The following TYR variants were observed in gnomAD, a reference collection of about 807,000 sequenced individuals.
TYR encodes the protein tyrosinase.
TYR carries 58 observed loss-of-function variants against 51.5 expected under a neutral mutation model. The ratio of observed to expected loss-of-function variants is 1.13; its 90% CI spans 0.91 to 1.40. The LOEUF (loss-of-function observed/expected upper bound fraction) is 1.40, where lower values mean the gene tolerates loss of function less well. Ranked by LOEUF, TYR falls within the 40% of genes most tolerant of loss-of-function variation. The pLI is 0.00. For synonymous variants in TYR, 263 were observed against 235.2 expected, an observed-to-expected ratio of 1.12 and a Z score of -1.08; for missense variants, 732 against 647.4, an observed-to-expected ratio of 1.13 and a Z score of -1.42.
intron 2 of TYR, among the ~76,000 whole-genome samples, chr11:89,215,498 A>G (rs1943820111): frequency 6.6e-6 from 1 of 151,640 alleles, no homozygotes; most frequent in African/African-American, 2.4e-5. Flanking sequence ...GTGTACATCT[A>G]CCCTAGAACT....
chr11:89,201,154 T>A (rs2135261372), intron 2 of TYR, among the ~76,000 whole-genome samples: 1 of 152,302 alleles, frequency 6.6e-6, no homozygotes, highest in East Asian at 1.9e-4. Flanking sequence ...ATTGACAAGC[T>A]CATAATGATG....
intron 3 of TYR, among the ~76,000 whole-genome samples, chr11:89,266,951 A>G (rs577951697): frequency 6.6e-6 from 1 of 152,080 alleles, no homozygotes; most frequent in African/African-American, 2.4e-5. Context: ...GGCCTTATGC[A>G]CAATAGGAAT....
At chr11:89,264,931 C>T (rs1176016875) in intron 3 of TYR, among the ~76,000 whole-genome samples, 1 of 152,026 alleles carries the variant, frequency 6.6e-6, no homozygotes, top group Non-Finnish European at 1.5e-5. Flanking sequence ...GAAATCTGTT[C>T]ACTTTTCCTT....
intron 3 of TYR, among the ~76,000 whole-genome samples, chr11:89,243,433 T>C (rs1466442540): frequency 6.6e-6 from 1 of 152,164 alleles, no homozygotes; most frequent in Non-Finnish European, 1.5e-5. Flanking sequence ...CTTTCTCCAC[T>C]TCCCCAAGGT....
chr11:89,246,175 C>A (rs1420229735), intron 3 of TYR, among the ~76,000 whole-genome samples: 2 of 149,256 alleles, frequency 1.3e-5, no homozygotes, highest in East Asian at 3.9e-4. Context: ...AACTCACAGT[C>A]TAGATACTAA....
intron 4 of TYR, among the ~76,000 whole-genome samples, chr11:89,290,561 T>A (rs1447613606): frequency 6.6e-6 from 1 of 152,064 alleles, no homozygotes; most frequent in Non-Finnish European, 1.5e-5. Flanking sequence ...ATTTTCAAAA[T>A]AATTTTAATA....
chr11:89,216,746 T>G (rs1943837947), intron 2 of TYR, among the ~76,000 whole-genome samples: 1 of 151,770 alleles, frequency 6.6e-6, no homozygotes, highest in South Asian at 2.1e-4. Flanking sequence ...AAGTTAGATC[T>G]TCAAGATCTG....
intron 2 of TYR, among the ~76,000 whole-genome samples, chr11:89,226,603 CAG>C (rs1402043120): frequency 6.6e-6 from 1 of 152,060 alleles, no homozygotes; most frequent in East Asian, 1.9e-4. Flanking sequence ...GAAACACTGT[CAG>C]TCACAATAGT....
In TYR at chr11:89,295,129, T is replaced by C. The variant is rs373344622; in HGVS notation, c.1367-14T>C. The C allele has an allele frequency of 1.1e-4, 182 of 1,613,594 alleles. 1 individual carries two copies. In the South Asian group the frequency reaches 1.3e-3, roughly 12 times the overall value. On this transcript the variant is annotated splice_polypyrimidine_tract_variant and intron_variant, in intron 4 of 4. Coordinates refer to ENST00000263321, the MANE Select transcript of TYR (RefSeq NM_000372.5). ...TGGTAACAATAAAAACAATGGGATG[T>C]CTTTTTATTTCAGACCCAGACTCTT... is the stretch of plus-strand genomic sequence containing the variant.
At chr11:89,206,676 A>AAG (rs1352103693) in intron 2 of TYR, among the ~76,000 whole-genome samples, 9 of 152,240 alleles carry the variant, frequency 5.9e-5, no homozygotes, top group African/African-American at 2.2e-4. Flanking sequence ...ACAACAAAAA[A>AAG]TATTTATTTG....
rs1401581471 is a variant in TYR at position 89,227,958 on chromosome 11, C to A, written c.1172C>A (p.Ala391Glu). ...GATCCTATCTTCCTTCTTCACCATG[C>A]ATTTGTTGACAGGTTGGTTAATATT... The part of the protein sequence containing the change: ...ANDPIFLLHH[A>E]FVDSIFEQWL... The change falls in exon 3 of 5, where the codon GCA becomes GAA. Residue 391 changes from alanine to glutamate, a missense_variant. Coordinates refer to ENST00000263321, the MANE Select transcript of TYR (RefSeq NM_000372.5). 1 of 1,613,304 alleles carries A rather than the reference C, an allele frequency of 6.2e-7. No homozygotes were observed.
chr11:89,202,458 A>G (rs1943609165), intron 2 of TYR, among the ~76,000 whole-genome samples: 1 of 152,134 alleles, frequency 6.6e-6, no homozygotes, highest in South Asian at 2.1e-4. Context: ...GTGTTTCCCA[A>G]ACGTGATCTA....
chr11:89,271,595 G>C (rs1944589436), intron 3 of TYR, among the ~76,000 whole-genome samples: 1 of 151,886 alleles, frequency 6.6e-6, no homozygotes, highest in Admixed American at 6.6e-5. Flanking sequence ...CAGGGTGATG[G>C]CTGCTGAAGT....
intron 2 of TYR, among the ~76,000 whole-genome samples, chr11:89,194,834 T>C (rs1002074451): frequency 2.0e-5 from 3 of 152,212 alleles, no homozygotes; most frequent in African/African-American, 7.2e-5. Context: ...CCATTTCATA[T>C]ACACATTTTT....
At chr11:89,229,438 T>G (rs562746574) in intron 3 of TYR, among the ~76,000 whole-genome samples, 2 of 152,028 alleles carry the variant, frequency 1.3e-5, no homozygotes, top group Non-Finnish European at 2.9e-5. Context: ...CTTTTTGGTG[T>G]AAATTTTTTG....
intron 3 of TYR, among the ~76,000 whole-genome samples, chr11:89,234,939 A>T (rs1944091892): frequency 6.6e-6 from 1 of 152,006 alleles, no homozygotes; most frequent in Non-Finnish European, 1.5e-5. Context: ...CCAGGAGTAG[A>T]TTCCATCTCA....
Position 89,178,669 on chromosome 11 carries a change from G to A in TYR, c.716G>A (p.Arg239Gln), listed in dbSNP as rs36006590. 56 of 1,613,502 alleles carry A rather than the reference G, an allele frequency of 3.5e-5. No homozygotes were observed. Among genetic ancestry groups the A allele is most frequent in the East Asian group, 1.3e-4 (6 of 44,858 alleles). Residue 239 changes from arginine to glutamine, a missense_variant, in exon 1 of 5, where the codon CGG becomes CAG. Transcript: ENST00000263321. ...TTCACTATTCCATATTGGGACTGGC[G>A]GGATGCAGAAAAGTGTGACATTTGC... ...ENFTIPYWDWRDAEKCDICTD... is the reference protein window; with the variant it reads ...ENFTIPYWDWQDAEKCDICTD...
At chr11:89,263,178 G>A (rs1230392121) in intron 3 of TYR, among the ~76,000 whole-genome samples, 1 of 151,676 alleles carries the variant, frequency 6.6e-6, no homozygotes, top group Non-Finnish European at 1.5e-5. Flanking sequence ...ATTTATTTGA[G>A]GAATACAAAG....
intron 3 of TYR, among the ~76,000 whole-genome samples, chr11:89,242,495 C>G (rs1178721879): frequency 6.6e-6 from 1 of 152,118 alleles, no homozygotes; most frequent in Middle Eastern, 3.2e-3. Context: ...CAGGCATGAG[C>G]CACTGTGCCC....
Sources: gnomAD v4.1 joint callset for allele counts (sites outside exome capture counted in the v4.1 genomes callset) on GRCh38, gnomAD v4.1.1 for gene constraint, MANE v1.5 for transcripts, NCBI Gene and HGNC (gene_info 2026-07-23, HGNC 2026-07-21) for gene names.